Variants in FLT3 observed in about 807,000 individuals in gnomAD.
FLT3 encodes the protein receptor-type tyrosine-protein kinase FLT3.
FLT3 carries 46 observed loss-of-function variants against 126.6 expected under a neutral mutation model. That is an observed-to-expected ratio of 0.36 (90% CI 0.29 to 0.46). FLT3 has a LOEUF of 0.46. FLT3 is among the 20% of genes least tolerant of loss of function. The pLI is 1.00. For missense variants in FLT3, 1,069 were observed against 1,190.3 expected, an observed-to-expected ratio of 0.90 and a Z score of 1.50; for synonymous variants, 404 against 434.4, an observed-to-expected ratio of 0.93 and a Z score of 0.87.
At position 28,004,155 on chromosome 13, in the gene FLT3, C is replaced by T. The variant is rs1218064764; in HGVS notation, c.2879G>A (p.Gly960Asp). 6.2e-7 allele frequency: 1 copy of T among 1,613,988 alleles called. No individual in the cohort carries two copies. Among genetic ancestry groups the T allele is most frequent in the South Asian group, 1.1e-5 (1 of 91,070 alleles). ...GGTGTGAGGACATTCCGAAACACGG[C>T]CATCCACATTCTGATACATCTGAAT... ...AEEAMYQNVD[G>D]RVSECPHTYQ... is the part of the protein sequence containing the mutation. The change falls in exon 24 of 24, where the codon GGC (glycine) becomes GAC (aspartate). Residue 960 changes from glycine to aspartate, a missense_variant. Gly to Asp is a moderately conservative substitution (Grantham distance 94, BLOSUM62 -1). Transcript: ENST00000241453.
At chr13:28,076,510 C>T (rs993390555) in intron 1 of FLT3, among the ~76,000 whole-genome samples, 73 of 152,284 alleles carry the variant, frequency 4.8e-4, no homozygotes, top group African/African-American at 1.7e-3. Flanking sequence ...CAACCCCAGT[C>T]TGAGGCCAAA....
At chr13:28,061,680 G>A (rs1240204740) in intron 3 of FLT3, among the ~76,000 whole-genome samples, 187 bp downstream of exon 3, 3 of 151,760 alleles carry the variant, frequency 2.0e-5, no homozygotes, top group Non-Finnish European at 4.4e-5. Flanking sequence ...CTGGGGTGGG[G>A]GGATTACTTG....
chr13:28,056,686 G>C (rs1323219933), intron 4 of FLT3, among the ~76,000 whole-genome samples: 2 of 152,220 alleles, frequency 1.3e-5, no homozygotes, highest in African/African-American at 4.8e-5. Flanking sequence ...ATATGGTCTA[G>C]CACGCATGTG....
chr13:28,026,938 A>C, intron 17 of FLT3, 150 bp downstream of exon 17: 1 of 684,438 alleles, frequency 1.5e-6, no homozygotes. Context: ...TCAACAGGGA[A>C]ACTATAGCAA....
intron 9 of FLT3, among the ~76,000 whole-genome samples, chr13:28,038,115 G>C (rs763898981): frequency 6.6e-6 from 1 of 152,192 alleles, no homozygotes; most frequent in African/African-American, 2.4e-5. Flanking sequence ...ACAACGATGA[G>C]GGCTCAAATC....
intron 1 of FLT3, among the ~76,000 whole-genome samples, chr13:28,091,268 C>G (rs980866438): frequency 4.1e-4 from 48 of 117,456 alleles, no homozygotes; most frequent in African/African-American, 1.5e-3. Context: ...GTCGCCCAGG[C>G]TGGAGTGCAG....
intron 1 of FLT3, among the ~76,000 whole-genome samples, chr13:28,076,503 C>A (rs1166435295): frequency 6.6e-6 from 1 of 152,174 alleles, no homozygotes; most frequent in East Asian, 1.9e-4. Context: ...AACAATGCAA[C>A]CCCAGTCTGA....
intron 15 of FLT3, among the ~76,000 whole-genome samples, chr13:28,031,590 A>G (rs1333340547): frequency 1.3e-5 from 2 of 152,236 alleles, no homozygotes; most frequent in Non-Finnish European, 1.5e-5. Flanking sequence ...AATGTCGCAC[A>G]TTGCAAGGGC....
At chr13:28,053,533 C>T (rs1875738086) in intron 4 of FLT3, among the ~76,000 whole-genome samples, 1 of 151,842 alleles carries the variant, frequency 6.6e-6, no homozygotes, top group African/African-American at 2.4e-5. Context: ...TTATGCTTCT[C>T]CCCACCTCTC....
chr13:28,065,416 A>G (rs1168911177), intron 2 of FLT3, among the ~76,000 whole-genome samples: 4 of 152,050 alleles, frequency 2.6e-5, no homozygotes, highest in African/African-American at 9.7e-5. Flanking sequence ...CCAAGGCAAG[A>G]GGATCACTTG....
chr13:28,018,648 T>C (rs2137624954), intron 19 of FLT3, 59 bp from the exon 20 acceptor site: 2 of 1,583,558 alleles, frequency 1.3e-6, no homozygotes, highest in Non-Finnish European at 1.7e-6. Flanking sequence ...TGGAGTGCAA[T>C]CTTTCTTCTA....
chr13:28,034,527 C>A, intron 12 of FLT3, 120 bp from the exon 13 acceptor site: 1 of 722,586 alleles, frequency 1.4e-6, no homozygotes. Context: ...TCAGTCCTAA[C>A]AACCACTCTA....
chr13:28,065,687 G>T (rs1170745412), intron 2 of FLT3, among the ~76,000 whole-genome samples: 3 of 141,726 alleles, frequency 2.1e-5, no homozygotes, highest in African/African-American at 5.6e-5. Flanking sequence ...AATAATCCAG[G>T]TGTGGTGGCT....
intron 23 of FLT3, among the ~76,000 whole-genome samples, chr13:28,004,436 G>A (rs1326979930): frequency 6.6e-6 from 1 of 152,038 alleles, no homozygotes; most frequent in East Asian, 1.9e-4. Context: ...CTCCTGAGTA[G>A]CTGGGACCAC....
At chr13:28,082,381 C>CA (rs1246195139) in intron 1 of FLT3, among the ~76,000 whole-genome samples, 4 of 152,140 alleles carry the variant, frequency 2.6e-5, no homozygotes, top group Non-Finnish European at 5.9e-5. Context: ...AGGCTGGTCT[C>CA]AAACTCCTAG....
At chr13:28,074,229 T>C (rs1431186406) in intron 1 of FLT3, among the ~76,000 whole-genome samples, 1 of 152,170 alleles carries the variant, frequency 6.6e-6, no homozygotes, top group Non-Finnish European at 1.5e-5. Context: ...GTCCATACTG[T>C]AGTAGATATC....
chr13:28,091,291 G>C (rs576739874), intron 1 of FLT3, among the ~76,000 whole-genome samples: 10 of 122,070 alleles, frequency 8.2e-5, no homozygotes, highest in East Asian at 2.6e-4. Context: ...GCGCGATCTC[G>C]GCTCACTGCA....
At chr13:28,084,843 C>T (rs1040097153) in intron 1 of FLT3, among the ~76,000 whole-genome samples, 3 of 151,654 alleles carry the variant, frequency 2.0e-5, no homozygotes, top group Non-Finnish European at 4.4e-5. Flanking sequence ...GGCGTGGTGG[C>T]GGGCGCCTGT....
intron 23 of FLT3, among the ~76,000 whole-genome samples, chr13:28,006,147 G>C (rs1593202715): frequency 6.6e-6 from 1 of 152,056 alleles, no homozygotes; most frequent in Non-Finnish European, 1.5e-5. Flanking sequence ...TTGTTTATAA[G>C]AACTTTATGA....
Sources: gnomAD v4.1 joint callset for allele counts (sites outside exome capture counted in the v4.1 genomes callset) on GRCh38, gnomAD v4.1.1 for gene constraint, MANE v1.5 for transcripts, NCBI Gene and HGNC (gene_info 2026-07-23, HGNC 2026-07-21) for gene names.